SLC16A7: variants seen among roughly 807,000 people sequenced by gnomAD.
SLC16A7 encodes monocarboxylate transporter 2.
Under a neutral mutation model 34.9 loss-of-function variants are expected in SLC16A7, and 33 were observed. The ratio of observed to expected loss-of-function variants is 0.94; its 90% CI spans 0.72 to 1.26. The LOEUF is 1.26. Ranked by LOEUF, SLC16A7 falls within the 50% of genes most tolerant of loss-of-function variation. The pLI, the probability that SLC16A7 is intolerant of heterozygous loss-of-function variation, is 0.00. For synonymous variants in SLC16A7, 201 were observed against 206.6 expected (o/e 0.97, Z 0.23); for missense variants, 573 against 578.1 (o/e 0.99, Z 0.09).
intron 3 of SLC16A7, among the ~76,000 whole-genome samples, chr12:59,714,525 C>A (rs1481300926): frequency 1.3e-5 from 2 of 151,888 alleles, no homozygotes; most frequent in East Asian, 3.9e-4. Flanking sequence ...CTTTTCTTTG[C>A]ATGTGCACCC....
chr12:59,721,690 C>G (rs540128974), intron 3 of SLC16A7, among the ~76,000 whole-genome samples: 1 of 151,846 alleles, frequency 6.6e-6, no homozygotes, highest in South Asian at 2.1e-4. Flanking sequence ...TCTTGTACCC[C>G]TCATCTGAAA....
At chr12:59,758,124 T>A (rs1880600308) in intron 3 of SLC16A7, among the ~76,000 whole-genome samples, 1 of 151,990 alleles carries the variant, frequency 6.6e-6, no homozygotes, top group South Asian at 2.1e-4. Flanking sequence ...CAGAGTGTGT[T>A]GTTCAAGGGT....
intron 1 of SLC16A7, among the ~76,000 whole-genome samples, chr12:59,626,937 A>G (rs1168924975): frequency 1.3e-5 from 2 of 151,916 alleles, no homozygotes; most frequent in Non-Finnish European, 2.9e-5. Context: ...ACATTTGTAA[A>G]TATTTGTGAA....
chr12:59,657,051 A>G (rs1446931647), intron 2 of SLC16A7, among the ~76,000 whole-genome samples: 2 of 151,950 alleles, frequency 1.3e-5, no homozygotes, highest in Non-Finnish European at 2.9e-5. Flanking sequence ...TTAGAATATT[A>G]TTAATACTTG....
chr12:59,674,206 A>G (rs757298637), intron 2 of SLC16A7, among the ~76,000 whole-genome samples: 7 of 152,204 alleles, frequency 4.6e-5, no homozygotes, highest in African/African-American at 7.2e-5. Flanking sequence ...TTAAGGATTC[A>G]GATAATTCTA....
rs1883092387 is a variant in SLC16A7, at chr12:59,779,609, A to T, written c.1367A>T (p.His456Leu). Residue 456 changes from histidine (H) to leucine (L), a missense_variant, in exon 6 of 6, where the codon CAT (histidine) becomes CTT (leucine). Physicochemically the swap from His to Leu is moderately conservative, Grantham distance 99 (BLOSUM62 -3). Coordinates refer to ENST00000547379, the MANE Select transcript of SLC16A7 (RefSeq NM_001270623.2). ...TCTGAACCCTTGAGCAAATCTAAAC[A>T]TTCGGAAGATGTTAACGTCAAAGTT... is the stretch of plus-strand genomic sequence containing the variant. The part of the protein sequence containing the change: ...RESEPLSKSK[H>L]SEDVNVKVSN... 9.9e-6 allele frequency: 16 copies of T among 1,611,860 alleles called. No individual in the cohort carries two copies. Among genetic ancestry groups the T allele is most frequent in the Non-Finnish European group, 1.3e-5 (15 of 1,178,298 alleles).
chr12:59,745,621 T>A (rs1287251744), intron 3 of SLC16A7, among the ~76,000 whole-genome samples: 2 of 152,160 alleles, frequency 1.3e-5, no homozygotes, highest in Non-Finnish European at 2.9e-5. Context: ...CAAAGTAACA[T>A]GCCATAATAT....
At chr12:59,632,004 A>C (rs1880206313) in intron 1 of SLC16A7, among the ~76,000 whole-genome samples, 1 of 151,946 alleles carries the variant, frequency 6.6e-6, no homozygotes, top group Non-Finnish European at 1.5e-5. Flanking sequence ...ACCCTAAGAC[A>C]GTAGAATCAA....
intron 1 of SLC16A7, among the ~76,000 whole-genome samples, chr12:59,616,376 G>T (rs1400408075): frequency 6.6e-6 from 1 of 152,026 alleles, no homozygotes; most frequent in Non-Finnish European, 1.5e-5. Flanking sequence ...AAAATCATTT[G>T]TCATGCAATA....
intron 2 of SLC16A7, among the ~76,000 whole-genome samples, chr12:59,670,284 T>C (rs1340814406): frequency 6.6e-6 from 1 of 152,168 alleles, no homozygotes; most frequent in African/African-American, 2.4e-5. Flanking sequence ...TGTGACCTCA[T>C]CTTAACTAAC....
At chr12:59,771,390 T>G in intron 4 of SLC16A7, 28 bp downstream of exon 4, 1 of 1,484,708 alleles carries the variant, frequency 6.7e-7, no homozygotes, top group Non-Finnish European at 9.1e-7. Flanking sequence ...CAGCTTATTC[T>G]TAACTCTTCT....
At chr12:59,748,115 A>C (rs920497326) in intron 3 of SLC16A7, among the ~76,000 whole-genome samples, 6 of 152,294 alleles carry the variant, frequency 3.9e-5, no homozygotes, top group African/African-American at 1.2e-4. Flanking sequence ...AGGCAGGAGA[A>C]TCGCAAGGGT....
chr12:59,614,639 T>G (rs1879352761), intron 1 of SLC16A7, among the ~76,000 whole-genome samples: 1 of 149,888 alleles, frequency 6.7e-6, no homozygotes, highest in African/African-American at 2.5e-5. Flanking sequence ...CAGTAAGAGG[T>G]GATTAGTTTG....
chr12:59,766,608 GT>G (rs1164250843), intron 3 of SLC16A7, among the ~76,000 whole-genome samples: 16 of 152,200 alleles, frequency 1.1e-4, no homozygotes, highest in African/African-American at 3.9e-4. Flanking sequence ...TTTGTCTTTG[GT>G]TCTGTTTATA....
Position 59,780,641 on chromosome 12 carries a change from C to A in SLC16A7, c.*962C>A, listed in dbSNP as rs1015732756. The A allele has an allele frequency of 3.3e-5, 5 of 152,092 alleles. No individual in the cohort carries two copies. Among genetic ancestry groups the A allele is most frequent in the African/African-American group, 1.2e-4 (5 of 41,420 alleles). The allele number at this position is 152,092 out of a possible 1,614,324, so 9.4% of individuals were successfully genotyped here. Reference sequence around the variant, plus strand: ...AATCAGGGATTTTATTTTAATCAGGCATCAATCCAGATTCACTGTTATACT... The same window carrying A: ...AATCAGGGATTTTATTTTAATCAGGAATCAATCCAGATTCACTGTTATACT... On this transcript the variant is annotated 3_prime_UTR_variant, in exon 6 of 6. Coordinates refer to ENST00000547379, the MANE Select transcript of SLC16A7 (RefSeq NM_001270623.2).
At chr12:59,646,564 G>A (rs1011197446) in intron 1 of SLC16A7, among the ~76,000 whole-genome samples, 2 of 152,128 alleles carry the variant, frequency 1.3e-5, no homozygotes, top group Non-Finnish European at 2.9e-5. Flanking sequence ...TCTCTGCTAG[G>A]GCTAGGGCAG....
chr12:59,698,078 G>C (rs1274030437), intron 2 of SLC16A7, among the ~76,000 whole-genome samples: 1 of 151,650 alleles, frequency 6.6e-6, no homozygotes, highest in African/African-American at 2.4e-5. Context: ...TTCATTGGGA[G>C]AATCAGGAAT....
intron 3 of SLC16A7, among the ~76,000 whole-genome samples, chr12:59,765,188 T>A (rs1412293368): frequency 6.6e-6 from 1 of 152,226 alleles, no homozygotes; most frequent in Non-Finnish European, 1.5e-5. Context: ...TGTTTGTTTT[T>A]TTCTTGTAAA....
At position 59,732,254 on chromosome 12, in the gene SLC16A7, T is replaced by TA. The variant is rs557538720; in HGVS notation, c.217+27245dup. Among the ~76,000 whole-genome samples the TA allele has an allele frequency of 4.9e-3, 743 of 150,480 alleles. 1 individual carries two copies. The highest frequency in any genetic ancestry group is 5.9e-3 in the Non-Finnish European group (401 of 67,536). ...CAATATGAAGAAACCCTATCTCTAC[T>TA]AAAAAAAAACACAAAATTAGCCTGG... is the stretch of plus-strand genomic sequence containing the variant. On this transcript the variant is annotated intron_variant, in intron 3 of 5. Coordinates refer to ENST00000547379, the MANE Select transcript of SLC16A7 (RefSeq NM_001270623.2).
Sources: gnomAD v4.1 joint callset for allele counts (sites outside exome capture counted in the v4.1 genomes callset) on GRCh38, gnomAD v4.1.1 for gene constraint, MANE v1.5 for transcripts, NCBI Gene and HGNC (gene_info 2026-07-23, HGNC 2026-07-21) for gene names.